RBBP5: variants seen among roughly 807,000 people sequenced by gnomAD.
The protein encoded by RBBP5 is retinoblastoma-binding protein 5.
In RBBP5, 5 loss-of-function variants were observed where a neutral mutation model predicts 72.2. The observed-to-expected ratio is 0.07, with a 90% CI of 0.04 to 0.15. RBBP5 has a LOEUF of 0.15. Among genes scored for constraint, RBBP5 ranks in the 10% least tolerant of loss-of-function variants. The pLI, the probability that RBBP5 is intolerant of heterozygous loss-of-function variation, is 1.00. For synonymous variants in RBBP5, 209 were observed against 237.2 expected, an observed-to-expected ratio of 0.88 and a Z score of 1.09; for missense variants, 322 against 652.2, an observed-to-expected ratio of 0.49 and a Z score of 5.51.
At chr1:205,088,924 C>A in intron 13 of RBBP5, 109 bp from the exon 14 acceptor site, 1 of 945,354 alleles carries the variant, frequency 1.1e-6, no homozygotes, top group Non-Finnish European at 1.6e-6. Context: ...ACACGTGGAC[C>A]AAGAAATTCC....
At chr1:205,093,042 C>T (rs145606207) in intron 13 of RBBP5, among the ~76,000 whole-genome samples, 13 of 152,224 alleles carry the variant, frequency 8.5e-5, no homozygotes, top group East Asian at 5.8e-4. Context: ...CTTTAAATTG[C>T]GTTTCTTCTG....
At chr1:205,103,510 C>G (rs1305712376) in intron 5 of RBBP5, among the ~76,000 whole-genome samples, 2 of 152,136 alleles carry the variant, frequency 1.3e-5, no homozygotes, top group Non-Finnish European at 2.9e-5. Context: ...GTAAGTTAAG[C>G]TGGCCTGAAT....
At chr1:205,090,325 T>C (rs1193754470) in intron 13 of RBBP5, among the ~76,000 whole-genome samples, 1 of 152,172 alleles carries the variant, frequency 6.6e-6, no homozygotes, top group Non-Finnish European at 1.5e-5. Context: ...ACCTAAATCA[T>C]AATAGGAGAA....
rs1655169764 is a variant in RBBP5 at position 205,087,203 on chromosome 1, T to TC, written c.*1583_*1584insG. On this transcript the variant is annotated 3_prime_UTR_variant, in exon 14 of 14. Coordinates refer to ENST00000264515, the MANE Select transcript of RBBP5 (RefSeq NM_005057.4). Reference sequence around the variant, plus strand: ...AGCATCCACCAACTGATATCATTTTTTTTTTTTTTTTGAGATAGAGTCTCA... The same window carrying TC: ...AGCATCCACCAACTGATATCATTTTTCTTTTTTTTTTTGAGATAGAGTCTCA... The TC allele has an allele frequency of 6.6e-6, 1 of 151,668 alleles. No homozygotes were observed. Among genetic ancestry groups the TC allele is most frequent in the African/African-American group, 2.4e-5 (1 of 41,312 alleles). The allele number at this position is 151,668 out of a possible 1,614,324, so 9.4% of individuals were successfully genotyped here. A position where few individuals can be genotyped will look rare whatever the true frequency, so the allele number is the denominator to read the frequency against.
intron 1 of RBBP5, among the ~76,000 whole-genome samples, chr1:205,118,193 C>T (rs1038073964): frequency 6.6e-6 from 1 of 152,328 alleles, no homozygotes; most frequent in South Asian, 2.1e-4. Context: ...TTGTTTGTCT[C>T]TCCTCTTAGC....
intron 13 of RBBP5, among the ~76,000 whole-genome samples, chr1:205,094,233 G>C: frequency 6.6e-6 from 1 of 152,116 alleles, no homozygotes; most frequent in East Asian, 1.9e-4. Context: ...TGTAGTTTCT[G>C]TCTTTTTGAT....
At chr1:205,103,566 A>T (rs967022997) in intron 5 of RBBP5, among the ~76,000 whole-genome samples, 5 of 152,232 alleles carry the variant, frequency 3.3e-5, no homozygotes, top group Non-Finnish European at 5.9e-5. Context: ...TTTGATCAGC[A>T]GTGTTCCAGC....
intron 1 of RBBP5, among the ~76,000 whole-genome samples, chr1:205,120,506 C>T (rs1041180381): frequency 6.6e-6 from 1 of 152,120 alleles, no homozygotes; most frequent in Non-Finnish European, 1.5e-5. Context: ...GATATTTTAC[C>T]AACCTTAAAA....
intron 3 of RBBP5, 106 bp from the exon 4 acceptor site, chr1:205,105,274 CAAT>C (rs1656009757): frequency 1.5e-6 from 2 of 1,338,330 alleles, no homozygotes; most frequent in East Asian, 2.3e-5. Context: ...CACAGGTCAA[CAAT>C]GTTTTTGGTT....
intron 12 of RBBP5, among the ~76,000 whole-genome samples, chr1:205,095,371 T>G (rs377138049): frequency 2.4e-4 from 1 of 4,228 alleles, no homozygotes; most frequent in African/African-American, 3.9e-4. Flanking sequence ...ACATTATGAG[T>G]TTTTTTTGCA....
intron 1 of RBBP5, among the ~76,000 whole-genome samples, chr1:205,120,111 A>T (rs547419516): frequency 6.6e-6 from 1 of 152,118 alleles, no homozygotes; most frequent in Non-Finnish European, 1.5e-5. Context: ...TATGCAATCT[A>T]TTCTCAAATT....
At chr1:205,104,706 T>G (rs942508662) in intron 4 of RBBP5, among the ~76,000 whole-genome samples, 1 of 151,754 alleles carries the variant, frequency 6.6e-6, no homozygotes, top group Non-Finnish European at 1.5e-5. Context: ...CCAGGCATGG[T>G]GGCACGCACC....
chr1:205,104,114 A>G, intron 4 of RBBP5, 95 bp from the exon 5 acceptor site: 12 of 1,316,344 alleles, frequency 9.1e-6, no homozygotes, highest in Non-Finnish European at 1.3e-5. Context: ...TACCCTCATC[A>G]ATTCTCCCAC....
chr1:205,106,186 A>T (rs1000512635), intron 3 of RBBP5, among the ~76,000 whole-genome samples: 14 of 152,232 alleles, frequency 9.2e-5, no homozygotes, highest in African/African-American at 3.4e-4. Context: ...ACCCAGCAGT[A>T]ATGAGGCCAA....
At chr1:205,117,381 GC>G (rs1656566980) in intron 1 of RBBP5, among the ~76,000 whole-genome samples, 1 of 152,122 alleles carries the variant, frequency 6.6e-6, no homozygotes, top group African/African-American at 2.4e-5. Context: ...TGTGTAAAGA[GC>G]CCGTGTGGTG....
chr1:205,108,539 A>T (rs191111567), intron 3 of RBBP5, among the ~76,000 whole-genome samples: 147 of 152,348 alleles, frequency 9.6e-4, no homozygotes, highest in Non-Finnish European at 1.6e-3. Flanking sequence ...AACACTACAG[A>T]TAAAGCAAAA....
Position 205,099,213 on chromosome 1 carries a change from TAGATTA to T in RBBP5, c.979-113_979-108del. 1 of 703,002 alleles carries T rather than the reference TAGATTA, an allele frequency of 1.4e-6. No homozygotes were observed. Among genetic ancestry groups the T allele is most frequent in the Non-Finnish European group, 2.2e-6 (1 of 463,906 alleles). The allele number at this position is 703,002 out of a possible 1,614,324, so 43.5% of individuals were successfully genotyped here. A position where few individuals can be genotyped will look rare whatever the true frequency, so the allele number is the denominator to read the frequency against. On this transcript the variant is annotated intron_variant, in intron 9 of 13. Transcript: ENST00000264515. This position sits in a 1 kb window ranked among gnomAD's most constrained non-coding sequence, Gnocchi z 4.7. The stretch of plus-strand genomic sequence containing the variant: ...GAGCATGAAAGGAATTCACAATTCT[TAGATTA>T]AATTTGGCAGACAAGAAAAAAATGG...
At chr1:205,108,993 CA>C (rs1035386742) in intron 3 of RBBP5, among the ~76,000 whole-genome samples, 1 of 152,102 alleles carries the variant, frequency 6.6e-6, no homozygotes. Context: ...ATATCAGAGA[CA>C]AAATAAATAT....
intron 3 of RBBP5, among the ~76,000 whole-genome samples, chr1:205,106,398 C>G (rs531974424): frequency 3.7e-4 from 56 of 152,284 alleles, no homozygotes; most frequent in African/African-American, 1.3e-3. Flanking sequence ...AGTTTGAGAC[C>G]AGCCTGGCCG....
Sources: allele counts gnomAD v4.1 joint callset (sites outside exome capture counted in the v4.1 genomes callset), GRCh38; gene constraint gnomAD v4.1.1; non-coding constraint Gnocchi (gnomAD v3.1); transcripts MANE v1.5; gene names NCBI Gene and HGNC (gene_info 2026-07-23, HGNC 2026-07-21).